CHCHD3: variants seen among roughly 807,000 people sequenced by gnomAD.
CHCHD3 encodes the protein coiled-coil-helix-coiled-coil-helix domain containing 3, also known as MICOS complex subunit MIC19.
In CHCHD3, 20 loss-of-function variants were observed where a neutral mutation model predicts 38.2. That is an observed-to-expected ratio of 0.52 (90% CI 0.37 to 0.76). The LOEUF (loss-of-function observed/expected upper bound fraction) is 0.76. Among genes scored for constraint, CHCHD3 ranks in the 30% least tolerant of loss-of-function variants. The pLI, the probability that CHCHD3 is intolerant of heterozygous loss-of-function variation, is 0.00. For synonymous variants in CHCHD3, 82 were observed against 100.0 expected (o/e 0.82, Z 1.07); for missense variants, 245 against 279.2 (o/e 0.88, Z 0.87).
chr7:132,895,560 T>C lies in CHCHD3; in HGVS notation c.370-9815A>G, dbSNP rs141772147. 6.6e-3 allele frequency among the ~76,000 whole-genome samples: 1,003 copies of C among 152,386 alleles called. 11 individuals carry two copies. The highest frequency in any genetic ancestry group is 0.022 in the African/African-American group (931 of 41,598). ...AATTGTAGCTCCCCTAATTCCCACG[T>C]GTCATGCACGGGACCCACTGGGAAG... On this transcript the variant is annotated intron_variant, in intron 4 of 7. Coordinates refer to ENST00000262570, the MANE Select transcript of CHCHD3 (RefSeq NM_017812.4).
intron 2 of CHCHD3, among the ~76,000 whole-genome samples, chr7:133,046,624 C>T (rs1372611278): frequency 2.6e-5 from 4 of 151,944 alleles, no homozygotes; most frequent in East Asian, 3.9e-4. Context: ...TGCAGTGGCG[C>T]GATCTCGGCT....
chr7:132,845,470 C>T (rs4731912), intron 5 of CHCHD3, among the ~76,000 whole-genome samples: 36,282 of 152,018 alleles, frequency 0.24, 4,475 homozygotes, highest in South Asian at 0.26. Context: ...TTCCTTAAGA[C>T]GGATGGGAAA....
chr7:132,907,029 T>C (rs1357334178), intron 4 of CHCHD3, among the ~76,000 whole-genome samples: 3 of 152,142 alleles, frequency 2.0e-5, no homozygotes, highest in Non-Finnish European at 4.4e-5. Flanking sequence ...AAATAAACCA[T>C]ACCCTATATA....
At position 132,892,835 on chromosome 7, in the gene CHCHD3, C is replaced by T. The variant is rs551990468; in HGVS notation, c.370-7090G>A. Among the ~76,000 whole-genome samples, 19 of 152,300 alleles carry T rather than the reference C, an allele frequency of 1.2e-4. 1 individual carries two copies. In the South Asian group the frequency reaches 2.1e-3, roughly 17 times the overall value. ...TTTCATGTGATGTTGGGCCTGCAGG[C>T]GCACAGAAGTCAAGAATTGAGGTTT... On this transcript the variant is annotated intron_variant, in intron 4 of 7. Coordinates refer to ENST00000262570, the MANE Select transcript of CHCHD3 (RefSeq NM_017812.4).
intron 5 of CHCHD3, among the ~76,000 whole-genome samples, chr7:132,865,864 C>T (rs1436333477): frequency 6.6e-6 from 1 of 152,148 alleles, no homozygotes; most frequent in African/African-American, 2.4e-5. Flanking sequence ...TGTGCCTAAT[C>T]ACAAGAAACA....
At chr7:132,963,322 A>AT (rs1005146883) in intron 4 of CHCHD3, among the ~76,000 whole-genome samples, 4,048 of 87,610 alleles carry the variant, frequency 0.046, 534 homozygotes, top group South Asian at 0.056. Context: ...TAAAATTGTA[A>AT]TTTTTTTTTT....
chr7:132,893,375 C>G (rs949455661), intron 4 of CHCHD3, among the ~76,000 whole-genome samples: 13 of 152,148 alleles, frequency 8.5e-5, no homozygotes, highest in African/African-American at 3.1e-4. Context: ...AATGCCAGTA[C>G]CCCCACTTTA....
At chr7:132,789,744 G>T (rs1196226877) in intron 7 of CHCHD3, among the ~76,000 whole-genome samples, 2 of 152,106 alleles carry the variant, frequency 1.3e-5, no homozygotes, top group East Asian at 3.9e-4. Context: ...CACTCAGGGT[G>T]CTTGTCTCTG....
At chr7:132,879,083 T>C (rs1445877098) in intron 5 of CHCHD3, among the ~76,000 whole-genome samples, 1 of 152,182 alleles carries the variant, frequency 6.6e-6, no homozygotes, top group Non-Finnish European at 1.5e-5. Flanking sequence ...TGATGAATAA[T>C]AGGTAATATG....
intron 4 of CHCHD3, among the ~76,000 whole-genome samples, chr7:132,951,237 T>C (rs1248382832): frequency 6.6e-6 from 1 of 152,174 alleles, no homozygotes; most frequent in African/African-American, 2.4e-5. Context: ...ACACATCAAC[T>C]AGTGGGTCTC....
chr7:132,969,319 G>A lies in CHCHD3; in HGVS notation c.369+5850C>T, dbSNP rs368722160. Among the ~76,000 whole-genome samples the A allele has an allele frequency of 2.2e-4, 33 of 152,110 alleles. 1 individual carries two copies. The highest frequency in any genetic ancestry group is 7.2e-4 in the African/African-American group (30 of 41,496). ...AGATCTAATTCATCTTTGCATCCCT[G>A]GGAAATACTGCCTAGGATACAGTAG... On this transcript the variant is annotated intron_variant, in intron 4 of 7. Transcript: ENST00000262570.
chr7:132,962,989 C>T (rs1023557645), intron 4 of CHCHD3, among the ~76,000 whole-genome samples: 1 of 151,662 alleles, frequency 6.6e-6, no homozygotes, highest in Non-Finnish European at 1.5e-5. Context: ...AAAATTGAAA[C>T]CTGGGCTAAA....
At chr7:132,828,464 T>A (rs957781369) in intron 6 of CHCHD3, among the ~76,000 whole-genome samples, 13 of 152,336 alleles carry the variant, frequency 8.5e-5, no homozygotes, top group African/African-American at 3.1e-4. Flanking sequence ...GGCAGAATTT[T>A]AAAATTTTAT....
intron 5 of CHCHD3, among the ~76,000 whole-genome samples, chr7:132,867,832 G>A (rs559586449): frequency 1.3e-5 from 2 of 151,998 alleles, no homozygotes; most frequent in African/African-American, 4.8e-5. Flanking sequence ...GGATAATGAG[G>A]GGATCCAGAA....
intron 4 of CHCHD3, among the ~76,000 whole-genome samples, chr7:132,928,865 G>A (rs571169470): frequency 3.3e-5 from 5 of 151,992 alleles, no homozygotes; most frequent in Non-Finnish European, 7.4e-5. Context: ...CTGAAGCAGG[G>A]TTCTCCTTCT....
intron 6 of CHCHD3, among the ~76,000 whole-genome samples, chr7:132,811,119 A>T (rs1482054987): frequency 1.3e-5 from 2 of 152,178 alleles, no homozygotes; most frequent in African/African-American, 4.8e-5. Flanking sequence ...TCCCAACATA[A>T]GATCTGGATC....
intron 2 of CHCHD3, among the ~76,000 whole-genome samples, chr7:133,069,471 T>C (rs1394743882): frequency 6.6e-6 from 1 of 152,158 alleles, no homozygotes; most frequent in Non-Finnish European, 1.5e-5. Flanking sequence ...TTGTTGCCAT[T>C]TCACAATAAA....
chr7:132,984,736 C>T (rs1432458478), intron 3 of CHCHD3, among the ~76,000 whole-genome samples: 1 of 148,936 alleles, frequency 6.7e-6, no homozygotes, highest in African/African-American at 2.5e-5. Flanking sequence ...GTGAGGAGAC[C>T]CTCTGCCTGG....
chr7:132,955,139 C>T (rs570381596), intron 4 of CHCHD3, among the ~76,000 whole-genome samples: 2 of 143,136 alleles, frequency 1.4e-5, no homozygotes, highest in Non-Finnish European at 3.0e-5. Context: ...TCACCAACAA[C>T]GTCAAGGTAG....
Sources: allele counts gnomAD v4.1 joint callset (sites outside exome capture counted in the v4.1 genomes callset), GRCh38; gene constraint gnomAD v4.1.1; transcripts MANE v1.5; gene names NCBI Gene and HGNC (gene_info 2026-07-23, HGNC 2026-07-21).